Variants in PLXNA4 observed in about 807,000 individuals in gnomAD.
The protein encoded by PLXNA4 is plexin-A4.
A neutral mutation model predicts 191.8 loss-of-function variants in PLXNA4; 44 were observed. The ratio of observed to expected loss-of-function variants is 0.23; its 90% CI spans 0.18 to 0.29. PLXNA4 has a LOEUF of 0.29. Among genes scored for constraint, PLXNA4 ranks in the 10% least tolerant of loss-of-function variants. PLXNA4 has a pLI of 1.00. For missense variants in PLXNA4, 1,800 were observed against 2,488.8 expected, an observed-to-expected ratio of 0.72 and a Z score of 5.89; for synonymous variants, 1,082 against 1,009.5, an observed-to-expected ratio of 1.07 and a Z score of -1.36.
At chr7:132,455,678 A>G (rs142869928) in intron 3 of PLXNA4, among the ~76,000 whole-genome samples, 15 of 152,168 alleles carry the variant, frequency 9.9e-5, no homozygotes, top group Admixed American at 2.0e-4. Flanking sequence ...GAAATTGTGC[A>G]TCAAGCGTGC....
At chr7:132,444,332 G>C (rs1405952531) in intron 3 of PLXNA4, among the ~76,000 whole-genome samples, 1 of 152,252 alleles carries the variant, frequency 6.6e-6, no homozygotes, top group Admixed American at 6.5e-5. Flanking sequence ...TTGGCTCACT[G>C]CAACCACCTC....
At chr7:132,525,908 G>T (rs921975458) in intron 1 of PLXNA4, among the ~76,000 whole-genome samples, 3 of 152,120 alleles carry the variant, frequency 2.0e-5, no homozygotes, top group African/African-American at 7.2e-5. Flanking sequence ...CCCATGGAAG[G>T]TTTGTGAAAC....
rs1409862682 is a variant in PLXNA4, at chr7:132,125,220, C to T, written c.*5259G>A. On this transcript the variant is annotated 3_prime_UTR_variant, in exon 32 of 32. Transcript: ENST00000321063. ...GTGTCAGTGTTACCTGAGGCTGTGTCTCAGCTCCCCACTCTATAAAATAAG... is the reference window on the plus strand; with the variant it reads ...GTGTCAGTGTTACCTGAGGCTGTGTTTCAGCTCCCCACTCTATAAAATAAG... 1 of 152,146 alleles carries T rather than the reference C, an allele frequency of 6.6e-6. No individual in the cohort carries two copies. Among genetic ancestry groups the T allele is most frequent in the Non-Finnish European group, 1.5e-5 (1 of 68,044 alleles). 9.4% of individuals were successfully genotyped at this position (152,146 alleles called of 1,614,324 possible). A position where few individuals can be genotyped will look rare whatever the true frequency, so the allele number is the denominator to read the frequency against.
intron 4 of PLXNA4, among the ~76,000 whole-genome samples, chr7:132,268,993 A>G (rs1272607222): frequency 1.3e-5 from 2 of 152,232 alleles, no homozygotes; most frequent in African/African-American, 4.8e-5. Context: ...AGTGGGGGCT[A>G]TGTAAAAACA....
chr7:132,205,026 C>T (rs545038690), intron 10 of PLXNA4, among the ~76,000 whole-genome samples: 5 of 152,182 alleles, frequency 3.3e-5, no homozygotes, highest in Admixed American at 6.5e-5. Context: ...AACGTACCCC[C>T]GTCGTTGAAT....
chr7:132,151,327 A>AG, intron 25 of PLXNA4, among the ~76,000 whole-genome samples: 1 of 48,232 alleles, frequency 2.1e-5, no homozygotes, highest in Non-Finnish European at 4.7e-5. Flanking sequence ...GAGGAGGAGG[A>AG]AGAAGAAGGA....
In PLXNA4 at chr7:132,223,572, G is replaced by T. The variant is rs950524406; in HGVS notation, c.2052C>A (p.Asp684Glu). 3.1e-6 allele frequency: 5 copies of T among 1,613,848 alleles called. No homozygotes were observed. In the East Asian group the frequency reaches 1.1e-4, roughly 36 times the overall value. ...WCKYRHVCTH[D>E]PKTCSFQEGR... ...CTTCCTGGAAGGAGCAGGTCTTGGG[G>T]TCATGGGTGCAGACATGCCGGTATT... The change falls in exon 9 of 32, where the codon GAC (aspartate) becomes GAA (glutamate). Residue 684 changes from aspartate to glutamate, a missense_variant. Asp to Glu is a conservative substitution (Grantham distance 45). Transcript: ENST00000321063.
At chr7:132,416,485 C>T (rs964960555) in intron 3 of PLXNA4, among the ~76,000 whole-genome samples, 30 of 152,204 alleles carry the variant, frequency 2.0e-4, no homozygotes, top group African/African-American at 6.5e-4. Flanking sequence ...TCCCATCCCA[C>T]CCAGCCTGTC....
At chr7:132,182,810 A>G (rs989454447) in intron 16 of PLXNA4, among the ~76,000 whole-genome samples, 48 of 152,328 alleles carry the variant, frequency 3.2e-4, no homozygotes, top group African/African-American at 8.7e-4. Context: ...GACCACTGAC[A>G]GGGAGGACAC....
chr7:132,545,791 G>A (rs540514299), intron 1 of PLXNA4, among the ~76,000 whole-genome samples: 76 of 152,364 alleles, frequency 5.0e-4, no homozygotes, highest in African/African-American at 1.5e-3. Context: ...CAGTGTTGCT[G>A]TAGTAGGGAG....
intron 3 of PLXNA4, among the ~76,000 whole-genome samples, chr7:132,346,430 G>A (rs1027545047): frequency 1.3e-5 from 2 of 152,138 alleles, no homozygotes; most frequent in African/African-American, 4.8e-5. Context: ...ATAAAACCCA[G>A]GTTTAGCAGG....
chr7:132,471,191 G>A (rs934185571), intron 3 of PLXNA4, among the ~76,000 whole-genome samples: 4 of 152,020 alleles, frequency 2.6e-5, no homozygotes, highest in Admixed American at 1.3e-4. Flanking sequence ...CTCTCGATTC[G>A]CCTTCTGCCA....
chr7:132,130,655 A>C, intron 31 of PLXNA4, 81 bp from the exon 32 acceptor site: 1 of 1,598,650 alleles, frequency 6.3e-7, no homozygotes, highest in South Asian at 1.1e-5. Flanking sequence ...GATGGTGTGG[A>C]TGTGGTCAGA....
chr7:132,430,616 T>C (rs1035246258), intron 3 of PLXNA4, among the ~76,000 whole-genome samples: 3 of 152,180 alleles, frequency 2.0e-5, no homozygotes, highest in Non-Finnish European at 2.9e-5. Context: ...ATGGTGTCTA[T>C]AAGAACATGC....
At chr7:132,230,492 A>C (rs1798488460) in intron 5 of PLXNA4, among the ~76,000 whole-genome samples, 1 of 151,948 alleles carries the variant, frequency 6.6e-6, no homozygotes, top group Non-Finnish European at 1.5e-5. Flanking sequence ...CTTCTAGAAA[A>C]CCCCCTCCCA....
intron 1 of PLXNA4, among the ~76,000 whole-genome samples, chr7:132,563,444 CCTCCTCCTCCTCCTT>C (rs1801466561): frequency 1.9e-5 from 2 of 104,998 alleles, no homozygotes; most frequent in Admixed American, 9.2e-5. Flanking sequence ...TCCTCCTCTT[CCTCCTCCTCCTCCTT>C]CTCCTCCTCC....
At chr7:132,297,551 C>T (rs1457084874) in intron 4 of PLXNA4, among the ~76,000 whole-genome samples, 1 of 152,114 alleles carries the variant, frequency 6.6e-6, no homozygotes, top group Non-Finnish European at 1.5e-5. Flanking sequence ...CGGGTGGGCT[C>T]CATGGCATTT....
chr7:132,579,169 G>A (rs575601849), upstream of PLXNA4, among the ~76,000 whole-genome samples: 12 of 152,098 alleles, frequency 7.9e-5, no homozygotes, highest in East Asian at 1.9e-4. Flanking sequence ...GGTCCATCAC[G>A]GCCCATTTCC....
At chr7:132,416,187 G>A (rs144583368) in intron 3 of PLXNA4, among the ~76,000 whole-genome samples, 1 of 152,184 alleles carries the variant, frequency 6.6e-6, no homozygotes, top group Non-Finnish European at 1.5e-5. Context: ...ATGGCAAATA[G>A]AAACACTTTT....
Sources: gnomAD v4.1 joint callset for allele counts (sites outside exome capture counted in the v4.1 genomes callset) on GRCh38, gnomAD v4.1.1 for gene constraint, MANE v1.5 for transcripts, NCBI Gene and HGNC (gene_info 2026-07-23, HGNC 2026-07-21) for gene names.